The following SEPTIN10 variants were observed in gnomAD, a reference collection of about 807,000 sequenced individuals.
The protein encoded by SEPTIN10 is septin-10.
A neutral mutation model predicts 54.8 loss-of-function variants in SEPTIN10; 66 were observed. The observed-to-expected ratio is 1.21, with a 90% confidence interval of 0.99 to 1.48. The LOEUF is 1.48. SEPTIN10 is among the 40% of genes most tolerant of loss of function. The pLI is 0.00. For missense variants in SEPTIN10, 620 were observed against 545.6 expected, an observed-to-expected ratio of 1.14 and a Z score of -1.36; for synonymous variants, 161 against 181.0, an observed-to-expected ratio of 0.89 and a Z score of 0.89.
chr2:109,609,023 C>T (rs1001900236), intron 1 of SEPTIN10, among the ~76,000 whole-genome samples: 4 of 152,124 alleles, frequency 2.6e-5, no homozygotes, highest in African/African-American at 9.7e-5. Context: ...CATCCTTCTC[C>T]TTCTTTCCCA....
chr2:109,608,805 T>A (rs1698580331), intron 1 of SEPTIN10, among the ~76,000 whole-genome samples: 1 of 152,220 alleles, frequency 6.6e-6, no homozygotes, highest in Non-Finnish European at 1.5e-5. Context: ...TAAAGCATTA[T>A]CTAAATCAAC....
At chr2:109,557,793 A>G (rs950516798) in intron 8 of SEPTIN10, among the ~76,000 whole-genome samples, 1 of 151,198 alleles carries the variant, frequency 6.6e-6, no homozygotes, top group Non-Finnish European at 1.5e-5. Context: ...AAATAAAAAC[A>G]TTTTCTTGCT....
intron 8 of SEPTIN10, among the ~76,000 whole-genome samples, chr2:109,557,977 G>T (rs1358061727): frequency 6.6e-6 from 1 of 151,538 alleles, no homozygotes; most frequent in Non-Finnish European, 1.5e-5. Context: ...ATTCTTTGTA[G>T]AGACAGAGTT....
intron 9 of SEPTIN10, among the ~76,000 whole-genome samples, chr2:109,548,464 A>G (rs1273666095): frequency 1.3e-5 from 2 of 152,140 alleles, no homozygotes; most frequent in African/African-American, 4.8e-5. Flanking sequence ...GTTTACACGC[A>G]TGAGCCACAG....
At chr2:109,551,379 T>A (rs768148718) in intron 9 of SEPTIN10, among the ~76,000 whole-genome samples, 6 of 152,224 alleles carry the variant, frequency 3.9e-5, no homozygotes, top group African/African-American at 1.4e-4. Context: ...AAAACTAAGA[T>A]TCATGCTATA....
chr2:109,550,510 C>T (rs944889233), intron 9 of SEPTIN10, among the ~76,000 whole-genome samples: 2 of 151,976 alleles, frequency 1.3e-5, no homozygotes, highest in African/African-American at 4.8e-5. Context: ...GATGGGGTTT[C>T]ACCATATTGA....
At chr2:109,587,634 C>T (rs751174350) in intron 2 of SEPTIN10, among the ~76,000 whole-genome samples, 51 of 152,278 alleles carry the variant, frequency 3.3e-4, no homozygotes, top group Admixed American at 2.8e-3. Context: ...AAACTTTAGG[C>T]CTGGTGTGGT....
rs114422687 is a variant in SEPTIN10 at position 109,546,499 on chromosome 2, C to T, written c.1162-262G>A. On this transcript the variant is annotated intron_variant, in intron 9 of 10. Coordinates refer to ENST00000397712, the MANE Select transcript of SEPTIN10 (RefSeq NM_144710.5). ...ATTTTTAAAACATTGTGAACTTTTC[C>T]TAGAGTTTTTATTTTCTCGGTGTGT... Among the ~76,000 whole-genome samples the T allele has an allele frequency of 5.3e-3, 808 of 151,460 alleles. 11 individuals are homozygous for T. In the South Asian group the frequency reaches 0.057, roughly 11 times the overall value.
intron 7 of SEPTIN10, among the ~76,000 whole-genome samples, 172 bp from the exon 8 acceptor site, chr2:109,564,706 T>C (rs1686550491): frequency 6.6e-6 from 1 of 152,218 alleles, no homozygotes; most frequent in Non-Finnish European, 1.5e-5. Context: ...AAGAAACTCT[T>C]GCAGTATAAA....
At chr2:109,600,125 G>A (rs1696298188) in intron 1 of SEPTIN10, among the ~76,000 whole-genome samples, 2 of 152,130 alleles carry the variant, frequency 1.3e-5, no homozygotes, top group Admixed American at 6.5e-5. Context: ...GCACAGTAGG[G>A]ATGTCAGGGC....
intron 9 of SEPTIN10, among the ~76,000 whole-genome samples, chr2:109,546,891 A>G (rs998187450): frequency 6.6e-6 from 1 of 152,216 alleles, no homozygotes; most frequent in Admixed American, 6.5e-5. Context: ...AAGATAAAGA[A>G]TAAATTAATG....
At chr2:109,599,438 A>G (rs950447519) in intron 1 of SEPTIN10, among the ~76,000 whole-genome samples, 10 of 151,174 alleles carry the variant, frequency 6.6e-5, no homozygotes, top group Admixed American at 4.0e-4. Context: ...AGCCTGGGCA[A>G]AAGAGCAAGA....
chr2:109,553,167 T>C lies in SEPTIN10; in HGVS notation c.1081A>G (p.Arg361Gly), dbSNP rs1261600777. Residue 361 changes from arginine to glycine, a missense_variant, in exon 9 of 11, where the codon AGG (arginine) becomes GGG (glycine). Arg to Gly is a moderately radical substitution (Grantham distance 125). Transcript: ENST00000397712. The stretch of plus-strand genomic sequence containing the variant: ...ATCTGTTTCATTTCTTCTTCCTTCC[T>C]CTGACGTTCACCATGGAACTCATGT... ...KRHEFHGERQ[R>G]KEEEMKQMFV... The C allele has an allele frequency of 1.2e-6, 2 of 1,614,206 alleles. No homozygotes were observed. The highest frequency in any genetic ancestry group is 3.3e-5 in the Admixed American group (2 of 60,036).
chr2:109,578,139 G>T (rs1353050233), intron 4 of SEPTIN10, among the ~76,000 whole-genome samples: 1 of 151,926 alleles, frequency 6.6e-6, no homozygotes, highest in Non-Finnish European at 1.5e-5. Context: ...TATAGAACTG[G>T]CAGGACAAAC....
At chr2:109,552,536 G>C (rs1021023806) in intron 9 of SEPTIN10, 15 of 152,432 alleles carry the variant, frequency 9.8e-5, no homozygotes, top group African/African-American at 3.1e-4. Flanking sequence ...AAAGGAGTGA[G>C]ATGACAAAGG....
intron 7 of SEPTIN10, 35 bp downstream of exon 7, chr2:109,565,728 G>C: frequency 6.7e-7 from 1 of 1,497,698 alleles, no homozygotes; most frequent in South Asian, 1.1e-5. Context: ...TTACTAGATA[G>C]ATACATATTT....
intron 4 of SEPTIN10, 71 bp from the exon 5 acceptor site, chr2:109,574,838 A>C (rs1389592771): frequency 9.1e-7 from 1 of 1,095,974 alleles, no homozygotes; most frequent in Admixed American, 2.9e-5. Flanking sequence ...AACTCTTAGA[A>C]GTTTGAGGTC....
At chr2:109,550,772 C>A (rs1049181910) in intron 9 of SEPTIN10, among the ~76,000 whole-genome samples, 1 of 152,192 alleles carries the variant, frequency 6.6e-6, no homozygotes, top group Non-Finnish European at 1.5e-5. Context: ...TCAACCAGGG[C>A]TCTCGGCTGC....
In SEPTIN10 at chr2:109,550,883, G is replaced by A. The variant is rs752351951; in HGVS notation, c.1161+2204C>T. 9.2e-5 allele frequency among the ~76,000 whole-genome samples: 14 copies of A among 152,212 alleles called. No homozygotes were observed. The South Asian group carries it at 1.2e-3, about 14-fold the overall frequency. ...CTGCATTTTTAAATTGTAAATTACCGAGCATACTTTTTGGAAATACAAGGG... is the reference window on the plus strand; with the variant it reads ...CTGCATTTTTAAATTGTAAATTACCAAGCATACTTTTTGGAAATACAAGGG... On this transcript the variant is annotated intron_variant, in intron 9 of 10. Transcript: ENST00000397712.
Sources: gnomAD v4.1 joint callset for allele counts (sites outside exome capture counted in the v4.1 genomes callset) on GRCh38, gnomAD v4.1.1 for gene constraint, MANE v1.5 for transcripts, NCBI Gene and HGNC (gene_info 2026-07-23, HGNC 2026-07-21) for gene names.